Variants in SGTA observed in about 807,000 individuals in gnomAD.
SGTA encodes small glutamine rich tetratricopeptide repeat co-chaperone alpha.
In SGTA, 22 loss-of-function variants were observed where a neutral mutation model predicts 44.3. The observed-to-expected ratio is 0.50, with a 90% confidence interval of 0.36 to 0.71. SGTA has a LOEUF of 0.71. Among genes scored for constraint, SGTA ranks in the 30% least tolerant of loss-of-function variants. The pLI is 0.00. For synonymous variants in SGTA, 174 were observed against 177.6 expected (o/e 0.98, Z 0.16); for missense variants, 341 against 435.9 (o/e 0.78, Z 1.94).
At position 2,763,772 on chromosome 19, in the gene SGTA, G is replaced by GC. The variant is rs772504422; in HGVS notation, c.393-16dup. ...AGGCTGCGGCTCTGGGGAAGAAAAGGCAGGGCAGGTCCCTCACTGGCGGCT... is the reference window on the plus strand; with the variant it reads ...AGGCTGCGGCTCTGGGGAAGAAAAGGCCAGGGCAGGTCCCTCACTGGCGGCT... On this transcript the variant is annotated splice_polypyrimidine_tract_variant and intron_variant, in intron 5 of 11. Coordinates refer to ENST00000221566, the MANE Select transcript of SGTA (RefSeq NM_003021.4). This position sits in a 1 kb window ranked among gnomAD's most constrained non-coding sequence, Gnocchi z 5.8. The GC allele has an allele frequency of 6.2e-7, 1 of 1,609,198 alleles. No individual in the cohort carries two copies. The highest frequency in any genetic ancestry group is 1.1e-5 in the South Asian group (1 of 90,458).
chr19:2,767,726 G>A lies in SGTA; in HGVS notation c.101-40C>T. Reference sequence around the variant, plus strand: ...GAGGCGGTCCCATTCATTGCACGCAGCCCCGAGGTTACGTTTTTGGGTCTA... The same window carrying A: ...GAGGCGGTCCCATTCATTGCACGCAACCCCGAGGTTACGTTTTTGGGTCTA... On this transcript the variant is annotated intron_variant, in intron 2 of 11. Coordinates refer to ENST00000221566, the MANE Select transcript of SGTA (RefSeq NM_003021.4). This position sits in a 1 kb window ranked among gnomAD's most constrained non-coding sequence, Gnocchi z 7.3. 6.6e-7 allele frequency: 1 copy of A among 1,521,754 alleles called. No homozygotes were observed. Among genetic ancestry groups the A allele is most frequent in the Non-Finnish European group, 9.1e-7 (1 of 1,097,054 alleles). The allele number at this position is 1,521,754 out of a possible 1,614,324, so 94.3% of individuals were successfully genotyped here.
chr19:2,759,638 A>G, intron 8 of SGTA: 1 of 290,804 alleles, frequency 3.4e-6, no homozygotes, highest in Non-Finnish European at 6.6e-6. Flanking sequence ...TTCATTTAGC[A>G]TATTTGGTTC....
rs779469010 is a variant in SGTA, at chr19:2,757,418, T to C, written c.867A>G (p.Pro289=). Residue 289 remains proline (P), a synonymous_variant, in exon 11 of 12, where the codon CCA becomes CCG. Coordinates refer to ENST00000221566, the MANE Select transcript of SGTA (RefSeq NM_003021.4). ...QFAQQMQQQN[P]ELIEQLRSQI... The stretch of plus-strand genomic sequence containing the variant: ...GGCTCCTGAGCTGCTCTATCAACTC[T>C]GGGTTCTGCTGCTGCATCTGCTGGG... 1 of 1,609,122 alleles carries C rather than the reference T, an allele frequency of 6.2e-7. No individual in the cohort carries two copies. Among genetic ancestry groups the C allele is most frequent in the Non-Finnish European group, 8.5e-7 (1 of 1,179,924 alleles).
chr19:2,758,461 G>A (rs1914890735), intron 9 of SGTA, among the ~76,000 whole-genome samples: 1 of 151,446 alleles, frequency 6.6e-6, no homozygotes, highest in Non-Finnish European at 1.5e-5. Flanking sequence ...AGGTTGCAGT[G>A]AGCCAAGATT....
intron 2 of SGTA, among the ~76,000 whole-genome samples, chr19:2,768,669 T>C (rs997970226): frequency 6.6e-6 from 1 of 152,158 alleles, no homozygotes; most frequent in African/African-American, 2.4e-5. Flanking sequence ...GGTGAGAACA[T>C]TCCAGAACAC....
At position 2,763,451 on chromosome 19, in the gene SGTA, AC is replaced by A. The variant is rs761819538; in HGVS notation, c.497+201del. On this transcript the variant is annotated intron_variant, in intron 6 of 11. Coordinates refer to ENST00000221566, the MANE Select transcript of SGTA (RefSeq NM_003021.4). The surrounding 1 kb of genome is among the most constrained non-coding windows in gnomAD (Gnocchi z 5.8). ...AGGGGCCCAGGGATCTCCGGGTGGC[AC>A]CTGATGCGGGGCGTCTGTGGGGCTG... Among the ~76,000 whole-genome samples, 1 of 151,644 alleles carries A rather than the reference AC, an allele frequency of 6.6e-6. No homozygotes were observed. The highest frequency in any genetic ancestry group is 2.4e-5 in the African/African-American group (1 of 41,270).
intron 1 of SGTA, among the ~76,000 whole-genome samples, chr19:2,776,366 G>A (rs868544287): frequency 4.1e-4 from 63 of 152,256 alleles, no homozygotes; most frequent in African/African-American, 1.5e-3. Context: ...ACGCTACGCA[G>A]CCATGAAAAG....
At chr19:2,776,420 C>T (rs1045506929) in intron 1 of SGTA, among the ~76,000 whole-genome samples, 7 of 152,200 alleles carry the variant, frequency 4.6e-5, no homozygotes, top group Non-Finnish European at 1.5e-5. Flanking sequence ...TTGAGGACGT[C>T]GCACTCAGTG....
chr19:2,767,039 C>A lies in SGTA; in HGVS notation c.292+97G>T, dbSNP rs925224371. The A allele has an allele frequency of 1.5e-5, 13 of 890,358 alleles. No homozygotes were observed. The highest frequency in any genetic ancestry group is 2.2e-5 in the Non-Finnish European group (12 of 544,860). 55.2% of individuals were successfully genotyped at this position (890,358 alleles called of 1,614,324 possible). On this transcript the variant is annotated intron_variant, in intron 4 of 11. Coordinates refer to ENST00000221566, the MANE Select transcript of SGTA (RefSeq NM_003021.4). The surrounding 1 kb of genome is among the most constrained non-coding windows in gnomAD (Gnocchi z 7.3). ...GGTCATCAGGGCAATTCCCTCAGCT[C>A]CCTGGGCCCCAGGGACCAGCTGGCC...
At chr19:2,774,285 C>G (rs972908228) in intron 1 of SGTA, among the ~76,000 whole-genome samples, 1 of 152,102 alleles carries the variant, frequency 6.6e-6, no homozygotes. Context: ...GACGCGTGGT[C>G]GCATGCCCAG....
At chr19:2,769,153 G>T (rs1915231560) in intron 1 of SGTA, 62 bp from the exon 2 acceptor site, 2 of 999,042 alleles carry the variant, frequency 2.0e-6, no homozygotes, top group Non-Finnish European at 3.1e-6. Context: ...GGCACCCCAG[G>T]CCTGCCCCTA....
chr19:2,758,463 G>A (rs1914890894), intron 9 of SGTA, among the ~76,000 whole-genome samples: 1 of 151,478 alleles, frequency 6.6e-6, no homozygotes, highest in Non-Finnish European at 1.5e-5. Context: ...GTTGCAGTGA[G>A]CCAAGATTCT....
In SGTA at chr19:2,765,476, G is replaced by A. The variant is rs1915112561; in HGVS notation, c.293-191C>T. On this transcript the variant is annotated intron_variant, in intron 4 of 11. Coordinates refer to ENST00000221566, the MANE Select transcript of SGTA (RefSeq NM_003021.4). This position sits in a 1 kb window ranked among gnomAD's most constrained non-coding sequence, Gnocchi z 5.5. ...TGCATCTATAGGGGGTTCGCTAGTC[G>A]CAAACAATCATATCTACATCCACTA... 6.6e-6 allele frequency among the ~76,000 whole-genome samples: 1 copy of A among 152,140 alleles called. No individual in the cohort carries two copies. The highest frequency in any genetic ancestry group is 2.4e-5 in the African/African-American group (1 of 41,430).
At chr19:2,780,148 C>T (rs145279403) in intron 1 of SGTA, among the ~76,000 whole-genome samples, 33 of 152,250 alleles carry the variant, frequency 2.2e-4, no homozygotes, top group African/African-American at 7.5e-4. Flanking sequence ...CAGAAGGGAT[C>T]ATTCAATGGA....
chr19:2,767,470 C>A lies in SGTA; in HGVS notation c.207+110G>T. 2.1e-6 allele frequency: 2 copies of A among 932,824 alleles called. No individual in the cohort carries two copies. The highest frequency in any genetic ancestry group is 1.4e-5 in the South Asian group (1 of 69,438). The allele number at this position is 932,824 out of a possible 1,614,324, so 57.8% of individuals were successfully genotyped here. A position where few individuals can be genotyped will look rare whatever the true frequency, so the allele number is the denominator to read the frequency against. On this transcript the variant is annotated intron_variant, in intron 3 of 11. Transcript: ENST00000221566. The surrounding 1 kb of genome is among the most constrained non-coding windows in gnomAD (Gnocchi z 7.3). ...CACGTCCCCAGCCCAGGAGAGGATG[C>A]AGGCAGAGTGCTGGGGGACGATGAG...
At chr19:2,762,440 A>G in intron 7 of SGTA, 66 bp downstream of exon 7, 1 of 1,569,216 alleles carries the variant, frequency 6.4e-7, no homozygotes, top group Non-Finnish European at 8.7e-7. Context: ...GGTGCGCCCG[A>G]GGACCTGTCC....
rs1010186634 is a variant in SGTA at position 2,755,680 on chromosome 19, G to C, written c.*260C>G. 8 of 985,408 alleles carry C rather than the reference G, an allele frequency of 8.1e-6. No homozygotes were observed. The African/African-American group carries it at 1.4e-4, about 17-fold the overall frequency. 61.0% of individuals were successfully genotyped at this position (985,408 alleles called of 1,614,324 possible). A position where few individuals can be genotyped will look rare whatever the true frequency, so the allele number is the denominator to read the frequency against. On this transcript the variant is annotated 3_prime_UTR_variant, in exon 12 of 12. Coordinates refer to ENST00000221566, the MANE Select transcript of SGTA (RefSeq NM_003021.4). This position sits in a 1 kb window ranked among gnomAD's most constrained non-coding sequence, Gnocchi z 5.2. The stretch of plus-strand genomic sequence containing the variant: ...ACACTCAAGTGACCGAGCTTTCTGG[G>C]GGCTGGAAGGGAGGTCGCTGCTGGT...
chr19:2,763,299 C>T lies in SGTA; in HGVS notation c.497+354G>A, dbSNP rs1398785477. Reference sequence around the variant, plus strand: ...CCGGGGACCCTCCTGGCCTCACTCTCGGACCTGTCCTGTGTCCTTCATCAT... The same window carrying T: ...CCGGGGACCCTCCTGGCCTCACTCTTGGACCTGTCCTGTGTCCTTCATCAT... On this transcript the variant is annotated intron_variant, in intron 6 of 11. Transcript: ENST00000221566. The surrounding 1 kb of genome is among the most constrained non-coding windows in gnomAD (Gnocchi z 5.8). Among the ~76,000 whole-genome samples the T allele has an allele frequency of 5.9e-5, 9 of 152,230 alleles. No individual in the cohort carries two copies. Among genetic ancestry groups the T allele is most frequent in the Non-Finnish European group, 1.3e-4 (9 of 68,032 alleles).
At chr19:2,766,079 G>C (rs911734518) in intron 4 of SGTA, among the ~76,000 whole-genome samples, 3 of 152,184 alleles carry the variant, frequency 2.0e-5, no homozygotes, top group African/African-American at 7.2e-5. Context: ...AGCCGGGCGT[G>C]GTGGTAGGCT....
Sources: gnomAD v4.1 joint callset for allele counts (sites outside exome capture counted in the v4.1 genomes callset) on GRCh38, gnomAD v4.1.1 for gene constraint, Gnocchi (gnomAD v3.1) non-coding constraint, MANE v1.5 for transcripts, NCBI Gene and HGNC (gene_info 2026-07-23, HGNC 2026-07-21) for gene names.